Variants in GSR observed in about 807,000 individuals in gnomAD.
GSR encodes glutathione-disulfide reductase.
A neutral mutation model predicts 56.5 loss-of-function variants in GSR; 48 were observed. The ratio of observed to expected loss-of-function variants is 0.85; its 90% CI spans 0.67 to 1.08. The LOEUF (loss-of-function observed/expected upper bound fraction) is 1.08. GSR is among the 50% of genes least tolerant of loss of function. The pLI is 0.00. For synonymous variants in GSR, 264 were observed against 270.8 expected, an observed-to-expected ratio of 0.97 and a Z score of 0.25; for missense variants, 694 against 703.3, an observed-to-expected ratio of 0.99 and a Z score of 0.15.
chr8:30,688,849 G>A (rs1563528878), intron 9 of GSR, among the ~76,000 whole-genome samples: 2 of 151,892 alleles, frequency 1.3e-5, no homozygotes, highest in African/African-American at 4.8e-5. Context: ...CTTGAGCCTA[G>A]GAGGTTAAGA....
intron 6 of GSR, 95 bp downstream of exon 6, chr8:30,699,986 G>T (rs939078547): frequency 2.1e-5 from 18 of 863,418 alleles, no homozygotes; most frequent in African/African-American, 1.8e-4. Flanking sequence ...TTCAGGAAAG[G>T]CCTACATTAA....
Position 30,678,353 on chromosome 8 carries a change from ATATATATTT to A in GSR, c.*1158_*1166del. On this transcript the variant is annotated 3_prime_UTR_variant, in exon 13 of 13. Transcript: ENST00000221130. ...CCTCATAAAAATAATATATATATAT[ATATATATTT>A]TTTTTTTTTTTTTTTGAGACAGGGT... The A allele has an allele frequency of 1.7e-5, 1 of 58,546 alleles. No homozygotes were observed. Among genetic ancestry groups the A allele is most frequent in the East Asian group, 7.0e-4 (1 of 1,424 alleles). 3.6% of individuals were successfully genotyped at this position (58,546 alleles called of 1,614,324 possible). A position where few individuals can be genotyped will look rare whatever the true frequency, so the allele number is the denominator to read the frequency against.
At position 30,717,364 on chromosome 8, in the gene GSR, A is replaced by G. The variant is rs1764379455; in HGVS notation, c.307-5276T>C. Among the ~76,000 whole-genome samples the G allele has an allele frequency of 3.3e-5, 5 of 152,332 alleles. No homozygotes were observed. The South Asian group carries it at 1.0e-3, about 32-fold the overall frequency. ...TAGCCTCCCAAAAGTTGGAATTACA[A>G]GCATGAGCCACCGCACTCAGCCTTC... On this transcript the variant is annotated intron_variant, in intron 1 of 12. Coordinates refer to ENST00000221130, the MANE Select transcript of GSR (RefSeq NM_000637.5).
rs147557976 is a variant in GSR, at chr8:30,679,565, G to A, written c.1524C>T (p.Val508=). 35 of 1,613,918 alleles carry A rather than the reference G, an allele frequency of 2.2e-5. No individual in the cohort carries two copies. Among genetic ancestry groups the A allele is most frequent in the African/African-American group, 2.7e-5 (2 of 74,904 alleles). Residue 508 remains valine, a synonymous_variant, in exon 13 of 13, where the codon GTC becomes GTT. Coordinates refer to ENST00000221130, the MANE Select transcript of GSR (RefSeq NM_000637.5). ...CTTCTGAAGAGGTAGGGTGAATGGC[G>A]ACTGTGTTGTCAAAGTCTGCCTTCG... ...GATKADFDNT[V]AIHPTSSEEL...
intron 7 of GSR, among the ~76,000 whole-genome samples, chr8:30,695,227 T>TTTTTG (rs774337246): frequency 6.6e-6 from 1 of 152,058 alleles, no homozygotes; most frequent in African/African-American, 2.4e-5. Context: ...TTTTGCAGTT[T>TTTTTG]TTTTGTTTTG....
intron 10 of GSR, among the ~76,000 whole-genome samples, chr8:30,683,115 C>G (rs767996680): frequency 6.6e-6 from 1 of 152,040 alleles, no homozygotes; most frequent in East Asian, 1.9e-4. Context: ...CGTGAGCCAC[C>G]GTGCCCAGCT....
intron 1 of GSR, among the ~76,000 whole-genome samples, chr8:30,727,280 G>A (rs911245240): frequency 3.9e-5 from 6 of 152,222 alleles, no homozygotes; most frequent in Admixed American, 3.9e-4. Context: ...AACCCGCCCC[G>A]GCCCTGGTCA....
intron 3 of GSR, 125 bp from the exon 4 acceptor site, chr8:30,708,266 G>T: frequency 1.3e-6 from 1 of 753,984 alleles, no homozygotes. Flanking sequence ...CGCAGTGAGT[G>T]AATGTCTCCG....
intron 6 of GSR, among the ~76,000 whole-genome samples, chr8:30,698,530 T>C (rs765301651): frequency 1.3e-5 from 2 of 152,158 alleles, no homozygotes; most frequent in Non-Finnish European, 2.9e-5. Context: ...ATGGTTTTCT[T>C]AGAACTCCTC....
At position 30,727,597 on chromosome 8, in the gene GSR, G is replaced by T; in HGVS notation, c.239C>A (p.Ala80Glu). The change falls in exon 1 of 13, where the codon GCG (alanine) becomes GAG (glutamate). Residue 80 changes from alanine to glutamate, a missense_variant. By Grantham distance (107) the Ala-to-Glu change is moderately radical (BLOSUM62 -1). Transcript: ENST00000221130. The stretch of plus-strand genomic sequence containing the variant: ...GGCACCCAGCTCGGCCGCCCTGCGC[G>T]CGCTGGCCAGCCCGCCCGAGCCGCC... The part of the protein sequence containing the change: ...IGGGSGGLAS[A>E]RRAAELGARA... 6.5e-7 allele frequency: 1 copy of T among 1,526,728 alleles called. No homozygotes were observed. The allele number at this position is 1,526,728 out of a possible 1,614,324, so 94.6% of individuals were successfully genotyped here. A position where few individuals can be genotyped will look rare whatever the true frequency, so the allele number is the denominator to read the frequency against.
chr8:30,727,767 G>A lies in GSR; in HGVS notation c.69C>T (p.Phe23=). The A allele has an allele frequency of 8.8e-6, 12 of 1,370,068 alleles. No individual in the cohort carries two copies. Among genetic ancestry groups the A allele is most frequent in the African/African-American group, 3.0e-5 (2 of 66,086 alleles). The allele number at this position is 1,370,068 out of a possible 1,614,324, so 84.9% of individuals were successfully genotyped here. A position where few individuals can be genotyped will look rare whatever the true frequency, so the allele number is the denominator to read the frequency against. ...GPSWRRAARA[F]RGFLLLLPEP... is the part of the protein sequence containing the mutation. ...CGGGCAGAAGCAGCAGGAAGCCTCG[G>A]AAGGCGCGCGCCGCCCGCCGCCAGC... is the stretch of plus-strand genomic sequence containing the variant. The change falls in exon 1 of 13, where the codon TTC becomes TTT. Residue 23 remains phenylalanine, a synonymous_variant. Coordinates refer to ENST00000221130, the MANE Select transcript of GSR (RefSeq NM_000637.5).
chr8:30,698,638 C>A (rs537924949), intron 6 of GSR, among the ~76,000 whole-genome samples: 1 of 152,180 alleles, frequency 6.6e-6, no homozygotes, highest in African/African-American at 2.4e-5. Context: ...TGAACTGCCT[C>A]GTGCTGTCTG....
chr8:30,692,688 G>A (rs1803426725), intron 8 of GSR, among the ~76,000 whole-genome samples: 1 of 151,560 alleles, frequency 6.6e-6, no homozygotes, highest in Admixed American at 6.6e-5. Flanking sequence ...TTTTAATAGA[G>A]AGAGGGTTTC....
intron 1 of GSR, among the ~76,000 whole-genome samples, chr8:30,725,839 A>G (rs1804704432): frequency 1.4e-5 from 2 of 147,094 alleles, no homozygotes; most frequent in Non-Finnish European, 3.0e-5. Context: ...CCCAGATTGC[A>G]CCACTGTACT....
At chr8:30,705,952 G>A (rs1290327009) in intron 4 of GSR, among the ~76,000 whole-genome samples, 2 of 152,004 alleles carry the variant, frequency 1.3e-5, no homozygotes, top group Non-Finnish European at 2.9e-5. Flanking sequence ...GAAGTAACTC[G>A]TCCTAAAAAT....
At chr8:30,717,892 G>A (rs149571864) in intron 1 of GSR, among the ~76,000 whole-genome samples, 4,421 of 152,128 alleles carry the variant, frequency 0.029, 98 homozygotes, top group Non-Finnish European at 0.048. Flanking sequence ...CTGAGGTCAG[G>A]AGTTCAAGAC....
Position 30,678,530 on chromosome 8 carries a change from T to A in GSR, c.*990A>T, listed in dbSNP as rs1164431712. ...TGCACATCACCACACTCGGGTAATT[T>A]TTTTTACTCTCTGTAGAGATGCAGT... On this transcript the variant is annotated 3_prime_UTR_variant, in exon 13 of 13. Transcript: ENST00000221130. 1 of 151,728 alleles carries A rather than the reference T, an allele frequency of 6.6e-6. No homozygotes were observed. The highest frequency in any genetic ancestry group is 1.5e-5 in the Non-Finnish European group (1 of 67,944). The allele number at this position is 151,728 out of a possible 1,614,324, so 9.4% of individuals were successfully genotyped here.
At chr8:30,689,735 CGT>C (rs1318156012) in intron 8 of GSR, among the ~76,000 whole-genome samples, 7 of 86,868 alleles carry the variant, frequency 8.1e-5, no homozygotes, top group East Asian at 3.3e-4. Context: ...TGGGTATATA[CGT>C]GTGTGTGTGT....
chr8:30,684,638 T>C (rs1286996257), intron 9 of GSR, among the ~76,000 whole-genome samples: 1 of 152,200 alleles, frequency 6.6e-6, no homozygotes, highest in Non-Finnish European at 1.5e-5. Context: ...ATCACTCAAC[T>C]ATCAGGTGTG....
Sources: gnomAD v4.1 joint callset for allele counts (sites outside exome capture counted in the v4.1 genomes callset) on GRCh38, gnomAD v4.1.1 for gene constraint, MANE v1.5 for transcripts, NCBI Gene and HGNC (gene_info 2026-07-23, HGNC 2026-07-21) for gene names.